The following NYAP2 variants were observed in gnomAD, a reference collection of about 807,000 sequenced individuals.
The protein encoded by NYAP2 is neuronal tyrosine-phosphorylated phosphoinositide-3-kinase adapter 2.
A neutral mutation model predicts 50.4 loss-of-function variants in NYAP2; 23 were observed. The observed-to-expected ratio is 0.46, with a 90% CI of 0.33 to 0.65. The LOEUF (loss-of-function observed/expected upper bound fraction) is 0.65, where lower values mean the gene tolerates loss of function less well. Among genes scored for constraint, NYAP2 ranks in the 30% least tolerant of loss-of-function variants. The pLI is 0.02. For missense variants in NYAP2, 885 were observed against 861.0 expected, an observed-to-expected ratio of 1.03 and a Z score of -0.35; for synonymous variants, 394 against 365.2, an observed-to-expected ratio of 1.08 and a Z score of -0.90.
intron 3 of NYAP2, among the ~76,000 whole-genome samples, chr2:225,414,910 C>T (rs1218621613): frequency 6.6e-6 from 1 of 152,098 alleles, no homozygotes; most frequent in South Asian, 2.1e-4. Flanking sequence ...TTGAAAGCAA[C>T]AAGAAAATCT....
chr2:225,414,857 T>C (rs1695099289), intron 3 of NYAP2, among the ~76,000 whole-genome samples: 1 of 152,174 alleles, frequency 6.6e-6, no homozygotes, highest in African/African-American at 2.4e-5. Flanking sequence ...ATTTTGCTAT[T>C]AGCTATAGTA....
chr2:225,501,446 A>G (rs926549348), intron 3 of NYAP2, among the ~76,000 whole-genome samples: 1 of 152,230 alleles, frequency 6.6e-6, no homozygotes, highest in Non-Finnish European at 1.5e-5. Context: ...AATAATGTAT[A>G]AAACAATATG....
intron 3 of NYAP2, among the ~76,000 whole-genome samples, chr2:225,501,347 A>G (rs1019486461): frequency 1.3e-5 from 2 of 152,246 alleles, no homozygotes; most frequent in Admixed American, 6.5e-5. Flanking sequence ...CAAGATGGTT[A>G]CAAAGTTGAA....
At chr2:225,595,060 T>C (rs1266455531) in intron 5 of NYAP2, among the ~76,000 whole-genome samples, 1 of 152,344 alleles carries the variant, frequency 6.6e-6, no homozygotes, top group African/African-American at 2.4e-5. Context: ...AATATTCTTC[T>C]GATAATTGAT....
At chr2:225,590,558 C>G (rs1692481212) in intron 5 of NYAP2, among the ~76,000 whole-genome samples, 2 of 152,176 alleles carry the variant, frequency 1.3e-5, no homozygotes, top group Admixed American at 6.5e-5. Flanking sequence ...TTCAGTCAAA[C>G]AATAACTTGG....
intron 6 of NYAP2, among the ~76,000 whole-genome samples, chr2:225,632,159 C>A (rs551179790): frequency 2.0e-5 from 3 of 152,294 alleles, no homozygotes; most frequent in African/African-American, 4.8e-5. Flanking sequence ...ATGAGATGGT[C>A]TCTGTCCAAA....
intron 3 of NYAP2, among the ~76,000 whole-genome samples, chr2:225,487,047 C>A (rs1690312760): frequency 6.6e-6 from 1 of 152,338 alleles, no homozygotes; most frequent in South Asian, 2.1e-4. Flanking sequence ...CAGCCTGGTG[C>A]TCTTATCTCC....
In NYAP2 at chr2:225,537,171, TTCTC is replaced by T. The variant is rs1425983475; in HGVS notation, c.523+23505_523+23508del. On this transcript the variant is annotated intron_variant, in intron 4 of 6. Transcript: ENST00000636099. ...CATCCCAGCCTCTGGTAATCTTCCC[TTCTC>T]TCTCTGTCTTCATTTAATTTTTAGC... Among the ~76,000 whole-genome samples, 102 of 152,150 alleles carry T rather than the reference TTCTC, an allele frequency of 6.7e-4. 1 individual carries two copies. Among genetic ancestry groups the T allele is most frequent in the Non-Finnish European group, 5.9e-5 (4 of 68,018 alleles).
intron 3 of NYAP2, among the ~76,000 whole-genome samples, chr2:225,486,417 G>A (rs1278312279): frequency 6.6e-6 from 1 of 152,192 alleles, no homozygotes; most frequent in Non-Finnish European, 1.5e-5. Context: ...AATGTTCTAA[G>A]CTTTGATGCT....
intron 4 of NYAP2, among the ~76,000 whole-genome samples, chr2:225,527,301 T>A (rs1691169483): frequency 6.6e-6 from 1 of 152,194 alleles, no homozygotes; most frequent in African/African-American, 2.4e-5. Flanking sequence ...TGTGTTTTAT[T>A]GCTGTGTAAC....
downstream of NYAP2, among the ~76,000 whole-genome samples, chr2:225,656,280 A>G (rs1422308152): frequency 6.6e-6 from 1 of 152,174 alleles, no homozygotes; most frequent in Admixed American, 6.5e-5. Flanking sequence ...GTGTTTCATG[A>G]TACCTGCGTC....
intron 4 of NYAP2, among the ~76,000 whole-genome samples, chr2:225,561,191 A>G (rs1171209954): frequency 6.6e-6 from 1 of 152,078 alleles, no homozygotes; most frequent in Non-Finnish European, 1.5e-5. Context: ...CAGGGGGATG[A>G]CCATTTTGAA....
At chr2:225,419,296 C>T (rs1410314231) in intron 3 of NYAP2, among the ~76,000 whole-genome samples, 1 of 152,180 alleles carries the variant, frequency 6.6e-6, no homozygotes, top group African/African-American at 2.4e-5. Flanking sequence ...CAGTTATTAG[C>T]ATTGGTAATG....
At chr2:225,472,057 T>C (rs1338911665) in intron 3 of NYAP2, among the ~76,000 whole-genome samples, 1 of 152,226 alleles carries the variant, frequency 6.6e-6, no homozygotes, top group Non-Finnish European at 1.5e-5. Context: ...ATTATTCCCA[T>C]TTTATCAGTG....
the NYAP2 span, among the ~76,000 whole-genome samples, chr2:225,663,409 A>C: frequency 2.6e-5 from 4 of 152,156 alleles, no homozygotes; most frequent in Non-Finnish European, 4.4e-5. Context: ...CACTGCCCAC[A>C]GCATGAATCA....
intron 4 of NYAP2, among the ~76,000 whole-genome samples, chr2:225,535,317 G>A (rs1231422665): frequency 6.6e-6 from 1 of 152,192 alleles, no homozygotes; most frequent in African/African-American, 2.4e-5. Flanking sequence ...TTTGTCACAA[G>A]CAGGGAAAGA....
At chr2:225,608,613 C>T (rs568328275) in intron 5 of NYAP2, among the ~76,000 whole-genome samples, 39 of 152,152 alleles carry the variant, frequency 2.6e-4, no homozygotes, top group African/African-American at 8.9e-4. Context: ...TATTTCTCTC[C>T]ATCTTTCAAT....
chr2:225,534,712 G>C (rs1042889795), intron 4 of NYAP2, among the ~76,000 whole-genome samples: 1 of 152,190 alleles, frequency 6.6e-6, no homozygotes, highest in Non-Finnish European at 1.5e-5. Flanking sequence ...AATTGGAACA[G>C]GAAAAGTTTA....
intron 4 of NYAP2, among the ~76,000 whole-genome samples, chr2:225,515,471 G>A (rs1308939484): frequency 2.0e-5 from 3 of 148,682 alleles, no homozygotes; most frequent in Admixed American, 6.7e-5. Context: ...GAACATTCAT[G>A]TGTGTGTGTG....
Sources: gnomAD v4.1 joint callset for allele counts (sites outside exome capture counted in the v4.1 genomes callset) on GRCh38, gnomAD v4.1.1 for gene constraint, MANE v1.5 for transcripts, NCBI Gene and HGNC (gene_info 2026-07-23, HGNC 2026-07-21) for gene names.